CPQ: variants seen among roughly 807,000 people sequenced by gnomAD.
The protein encoded by CPQ is carboxypeptidase Q, also known as Ser-Met dipeptidase.
A neutral mutation model predicts 45.7 loss-of-function variants in CPQ; 37 were observed. The observed-to-expected ratio is 0.81, with a 90% CI of 0.62 to 1.07. The LOEUF is 1.07. Among genes scored for constraint, CPQ ranks in the 50% least tolerant of loss-of-function variants. The pLI is 0.00. For synonymous variants in CPQ, 186 were observed against 205.8 expected, an observed-to-expected ratio of 0.90 and a Z score of 0.82; for missense variants, 537 against 572.9, an observed-to-expected ratio of 0.94 and a Z score of 0.64.
chr8:96,909,619 G>T (rs1449855844), intron 4 of CPQ, among the ~76,000 whole-genome samples: 2 of 152,138 alleles, frequency 1.3e-5, no homozygotes, highest in African/African-American at 4.8e-5. Flanking sequence ...GAAACCAGTG[G>T]TGTGACTGTC....
At chr8:96,897,409 A>G (rs1401886089) in intron 4 of CPQ, among the ~76,000 whole-genome samples, 1 of 152,012 alleles carries the variant, frequency 6.6e-6, no homozygotes, top group African/African-American at 2.4e-5. Context: ...TTTCCTTACT[A>G]ACTGTATGAA....
intron 4 of CPQ, among the ~76,000 whole-genome samples, chr8:96,951,035 G>A (rs1813256188): frequency 6.6e-6 from 1 of 152,076 alleles, no homozygotes; most frequent in South Asian, 2.1e-4. Context: ...AATTTATGGA[G>A]ATTAAAATTC....
intron 7 of CPQ, among the ~76,000 whole-genome samples, chr8:97,130,002 G>C (rs1452913427): frequency 6.6e-6 from 1 of 152,152 alleles, no homozygotes. Context: ...TGAGTGAAAG[G>C]TTGATACATT....
At chr8:96,741,425 G>C (rs1810089857) in intron 1 of CPQ, among the ~76,000 whole-genome samples, 1 of 152,024 alleles carries the variant, frequency 6.6e-6, no homozygotes, top group Non-Finnish European at 1.5e-5. Context: ...CAAAAAACTA[G>C]CTCCCGGATT....
chr8:96,676,593 T>A (rs1809079844), intron 1 of CPQ, among the ~76,000 whole-genome samples: 2 of 152,120 alleles, frequency 1.3e-5, no homozygotes, highest in Admixed American at 6.6e-5. Flanking sequence ...ATCTTGGTTA[T>A]TGTGAATAGT....
chr8:97,078,801 CT>C lies in CPQ; in HGVS notation c.1255+12592del, dbSNP rs1316848711. Reference sequence around the variant, plus strand: ...TCTCTCTCTCTCTCTCTCTCTCTCTCTCTCTCCCTCTCTCCTTTTTTAGAGA... The same window carrying C: ...TCTCTCTCTCTCTCTCTCTCTCTCTCCTCTCCCTCTCTCCTTTTTTAGAGA... On this transcript the variant is annotated intron_variant, in intron 7 of 7. Transcript: ENST00000220763. Among the ~76,000 whole-genome samples the C allele has an allele frequency of 1.4e-4, 20 of 145,456 alleles. 1 individual carries two copies. The South Asian group carries it at 3.9e-3, about 28-fold the overall frequency.
intron 3 of CPQ, among the ~76,000 whole-genome samples, chr8:96,864,089 G>A (rs1811965118): frequency 6.6e-6 from 1 of 151,996 alleles, no homozygotes; most frequent in South Asian, 2.1e-4. Context: ...GGAAATAGCT[G>A]GAAGAAGAAT....
chr8:96,804,198 A>G (rs1212548621), intron 2 of CPQ, among the ~76,000 whole-genome samples: 2 of 152,204 alleles, frequency 1.3e-5, no homozygotes, highest in Non-Finnish European at 2.9e-5. Context: ...GCAAGTTCAC[A>G]GAGAGGAGAA....
At chr8:97,029,592 A>G in intron 6 of CPQ, 98 bp downstream of exon 6, 1 of 1,138,872 alleles carries the variant, frequency 8.8e-7, no homozygotes. Context: ...TTTCTGGTCA[A>G]CTGGCCCTAG....
chr8:97,007,341 C>T (rs1809401339), intron 5 of CPQ, among the ~76,000 whole-genome samples: 1 of 152,092 alleles, frequency 6.6e-6, no homozygotes, highest in Non-Finnish European at 1.5e-5. Context: ...CCACGATGCC[C>T]CTAGGAGCCT....
At chr8:96,796,778 G>A (rs1810935890) in intron 2 of CPQ, among the ~76,000 whole-genome samples, 1 of 152,158 alleles carries the variant, frequency 6.6e-6, no homozygotes. Context: ...GCTGGTTTAT[G>A]TCAAACTGTG....
At chr8:97,041,968 A>T (rs1255473190) in intron 6 of CPQ, among the ~76,000 whole-genome samples, 1 of 151,996 alleles carries the variant, frequency 6.6e-6, no homozygotes, top group African/African-American at 2.4e-5. Context: ...TGTCTCTGCC[A>T]GGCTTTGGTA....
At chr8:96,840,207 C>G (rs1811588152) in intron 3 of CPQ, among the ~76,000 whole-genome samples, 1 of 152,120 alleles carries the variant, frequency 6.6e-6, no homozygotes, top group African/African-American at 2.4e-5. Context: ...CAAGGTGGGA[C>G]TGCATGATAT....
intron 1 of CPQ, among the ~76,000 whole-genome samples, chr8:96,740,334 G>A (rs1277085740): frequency 6.6e-6 from 1 of 152,174 alleles, no homozygotes; most frequent in Non-Finnish European, 1.5e-5. Context: ...CTTTGCTGAA[G>A]TTGCTTATCA....
chr8:96,675,371 T>C (rs1809063604), intron 1 of CPQ, among the ~76,000 whole-genome samples: 1 of 152,122 alleles, frequency 6.6e-6, no homozygotes, highest in Non-Finnish European at 1.5e-5. Context: ...AATATATGTA[T>C]GTAGAGAGCT....
chr8:96,925,574 G>C (rs1161463813), intron 4 of CPQ, among the ~76,000 whole-genome samples: 1 of 152,038 alleles, frequency 6.6e-6, no homozygotes, highest in Non-Finnish European at 1.5e-5. Flanking sequence ...GTAGAAACAG[G>C]GTTTTGCCAG....
At chr8:97,038,317 G>C (rs905048905) in intron 6 of CPQ, among the ~76,000 whole-genome samples, 1 of 152,192 alleles carries the variant, frequency 6.6e-6, no homozygotes, top group Non-Finnish European at 1.5e-5. Flanking sequence ...GCTTCAGCTT[G>C]TATCTAGTCT....
intron 7 of CPQ, among the ~76,000 whole-genome samples, chr8:97,104,558 A>G (rs1196108077): frequency 6.6e-6 from 1 of 152,236 alleles, no homozygotes; most frequent in Non-Finnish European, 1.5e-5. Context: ...ACATCCATCA[A>G]GTAAACATTT....
chr8:96,921,624 A>G (rs1218391531), intron 4 of CPQ, among the ~76,000 whole-genome samples: 1 of 152,190 alleles, frequency 6.6e-6, no homozygotes, highest in Non-Finnish European at 1.5e-5. Flanking sequence ...GTCTGCACAG[A>G]AAACTGCTGC....
Sources: allele counts gnomAD v4.1 joint callset (sites outside exome capture counted in the v4.1 genomes callset), GRCh38; gene constraint gnomAD v4.1.1; transcripts MANE v1.5; gene names NCBI Gene and HGNC (gene_info 2026-07-23, HGNC 2026-07-21).